Variants in CHST11 observed in about 807,000 individuals in gnomAD.
CHST11 encodes C4S-1.
A neutral mutation model predicts 30.4 loss-of-function variants in CHST11; 9 were observed. The observed-to-expected ratio is 0.30, with a 90% confidence interval of 0.18 to 0.52. CHST11 has a LOEUF of 0.52. Among genes scored for constraint, CHST11 ranks in the 20% least tolerant of loss-of-function variants. The probability of loss-of-function intolerance (pLI) is 0.97; values close to 1 mark genes in which losing one functional copy is unlikely to be tolerated. For missense variants in CHST11, 348 were observed against 460.6 expected, an observed-to-expected ratio of 0.76 and a Z score of 2.24; for synonymous variants, 152 against 187.8, an observed-to-expected ratio of 0.81 and a Z score of 1.56.
At chr12:104,484,758 G>T (rs1370301517) in intron 1 of CHST11, among the ~76,000 whole-genome samples, 3 of 152,216 alleles carry the variant, frequency 2.0e-5, no homozygotes, top group African/African-American at 7.2e-5. Context: ...GAAGGACAGG[G>T]TGTCAAGAGA....
intron 1 of CHST11, among the ~76,000 whole-genome samples, chr12:104,498,964 C>T (rs1305296515): frequency 2.0e-5 from 3 of 152,102 alleles, no homozygotes; most frequent in African/African-American, 7.2e-5. Flanking sequence ...CTTCTTAACC[C>T]GTTTTCAGAA....
Position 104,672,664 on chromosome 12 carries a change from C to T in CHST11, c.204+70673C>T, listed in dbSNP as rs138729546. Among the ~76,000 whole-genome samples the T allele has an allele frequency of 2.4e-3, 368 of 152,298 alleles. 4 individuals are homozygous for T. The highest frequency in any genetic ancestry group is 8.3e-3 in the African/African-American group (343 of 41,564). On this transcript the variant is annotated intron_variant, in intron 2 of 2. Coordinates refer to ENST00000303694, the MANE Select transcript of CHST11 (RefSeq NM_018413.6). ...AATGGGGCAAGATTACTCACCATGA[C>T]GGGCAGCTCAGTGCATGGCAACAAG...
chr12:104,615,711 G>C (rs2039102107), intron 2 of CHST11, among the ~76,000 whole-genome samples: 1 of 152,210 alleles, frequency 6.6e-6, no homozygotes, highest in Admixed American at 6.5e-5. Context: ...CAGATCACTT[G>C]AAGTCAGGAG....
At chr12:104,571,458 G>T (rs988991098) in intron 1 of CHST11, among the ~76,000 whole-genome samples, 1 of 152,096 alleles carries the variant, frequency 6.6e-6, no homozygotes. Context: ...TCCTGCACCC[G>T]GCGACAGACA....
intron 1 of CHST11, among the ~76,000 whole-genome samples, chr12:104,481,983 AC>A (rs2037628192): frequency 6.6e-6 from 1 of 150,544 alleles, no homozygotes; most frequent in Non-Finnish European, 1.5e-5. Context: ...GATTACAGGA[AC>A]CCGCCACAAT....
chr12:104,533,334 C>T (rs1759390586), intron 1 of CHST11, among the ~76,000 whole-genome samples: 1 of 152,126 alleles, frequency 6.6e-6, no homozygotes, highest in African/African-American at 2.4e-5. Flanking sequence ...TCAGGTGTTC[C>T]CAGCGTCATG....
chr12:104,636,718 A>T (rs1157729823), intron 2 of CHST11, among the ~76,000 whole-genome samples: 1 of 152,158 alleles, frequency 6.6e-6, no homozygotes, highest in Non-Finnish European at 1.5e-5. Context: ...AAATGGGATA[A>T]TAGTATCTAG....
intron 1 of CHST11, among the ~76,000 whole-genome samples, chr12:104,579,538 G>C (rs143416060): frequency 6.6e-6 from 1 of 152,206 alleles, no homozygotes; most frequent in Non-Finnish European, 1.5e-5. Context: ...ACAGGCATTC[G>C]TTATTATCAT....
intron 1 of CHST11, among the ~76,000 whole-genome samples, chr12:104,535,333 T>C (rs772967883): frequency 4.6e-5 from 7 of 152,198 alleles, no homozygotes; most frequent in Non-Finnish European, 1.0e-4. Context: ...TGGTAGCTTG[T>C]TTTGGGGACC....
chr12:104,513,124 G>T (rs867562236), intron 1 of CHST11, among the ~76,000 whole-genome samples: 48 of 38,802 alleles, frequency 1.2e-3, no homozygotes, highest in African/African-American at 7.1e-3. Context: ...TGTCATGACT[G>T]GGGGGGGGGG....
chr12:104,753,646 G>T (rs2040452465), intron 2 of CHST11, among the ~76,000 whole-genome samples: 1 of 152,210 alleles, frequency 6.6e-6, no homozygotes, highest in Non-Finnish European at 1.5e-5. Flanking sequence ...GAATATTCTG[G>T]AAGATTCTCT....
intron 1 of CHST11, among the ~76,000 whole-genome samples, chr12:104,488,986 CTG>C (rs1036850420): frequency 2.0e-5 from 3 of 152,018 alleles, no homozygotes; most frequent in African/African-American, 4.8e-5. Flanking sequence ...TCTTTTACCT[CTG>C]TGCACCTCCC....
At chr12:104,590,982 T>C (rs1447074907) in intron 1 of CHST11, among the ~76,000 whole-genome samples, 2 of 151,332 alleles carry the variant, frequency 1.3e-5, no homozygotes. Flanking sequence ...AGTGAGGCCA[T>C]GGGAGACAGT....
Position 104,457,296 on chromosome 12 carries a change from G to C in CHST11, c.-116G>C. The stretch of plus-strand genomic sequence containing the variant: ...GAAGCGACTCCGATCCTCCCTCTGA[G>C]CCTTGCTCAGCTCTGCCCCGCGCCT... On this transcript the variant is annotated 5_prime_UTR_variant, in exon 1 of 3. Coordinates refer to ENST00000303694, the MANE Select transcript of CHST11 (RefSeq NM_018413.6). 1 of 674,412 alleles carries C rather than the reference G, an allele frequency of 1.5e-6. No homozygotes were observed. Among genetic ancestry groups the C allele is most frequent in the Non-Finnish European group, 2.6e-6 (1 of 388,430 alleles). 41.8% of individuals were successfully genotyped at this position (674,412 alleles called of 1,614,324 possible).
intron 1 of CHST11, among the ~76,000 whole-genome samples, chr12:104,595,704 C>G (rs1403311887): frequency 6.6e-6 from 1 of 152,140 alleles, no homozygotes; most frequent in African/African-American, 2.4e-5. Context: ...ATGGACCAGG[C>G]TAGTTGAGTG....
At chr12:104,602,130 T>C (rs1400425055) in intron 2 of CHST11, 139 bp downstream of exon 2, 4 of 640,082 alleles carry the variant, frequency 6.2e-6, no homozygotes, top group Non-Finnish European at 1.1e-5. Flanking sequence ...GGTTGCTTTC[T>C]CCGTCACCCT....
chr12:104,530,062 G>A (rs1050776712), intron 1 of CHST11, among the ~76,000 whole-genome samples: 1 of 152,144 alleles, frequency 6.6e-6, no homozygotes, highest in South Asian at 2.1e-4. Context: ...GGGAGGCTGA[G>A]GCACAAGAAT....
chr12:104,707,985 TACAG>T (rs1393939573), intron 2 of CHST11, among the ~76,000 whole-genome samples: 1 of 151,878 alleles, frequency 6.6e-6, no homozygotes, highest in African/African-American at 2.4e-5. Flanking sequence ...TGCATGTGCA[TACAG>T]ACACAGTTTT....
rs1042886280 is a variant in CHST11 at position 104,729,605 on chromosome 12, T to C, written c.205-27344T>C. ...AACATGGAAGGATGGCTGTCATAGGTGCCATGAGTGACAGAAGCAGCGTAA... is the reference window on the plus strand; with the variant it reads ...AACATGGAAGGATGGCTGTCATAGGCGCCATGAGTGACAGAAGCAGCGTAA... On this transcript the variant is annotated intron_variant, in intron 2 of 2. Transcript: ENST00000303694. This position sits in a 1 kb window ranked among gnomAD's most constrained non-coding sequence, Gnocchi z 4.0. 6.6e-6 allele frequency among the ~76,000 whole-genome samples: 1 copy of C among 152,050 alleles called. No homozygotes were observed. Among genetic ancestry groups the C allele is most frequent in the Non-Finnish European group, 1.5e-5 (1 of 68,012 alleles).
Sources: allele counts gnomAD v4.1 joint callset (sites outside exome capture counted in the v4.1 genomes callset), GRCh38; gene constraint gnomAD v4.1.1; non-coding constraint Gnocchi (gnomAD v3.1); transcripts MANE v1.5; gene names NCBI Gene and HGNC (gene_info 2026-07-23, HGNC 2026-07-21).